The following SEMA5A variants were observed in gnomAD, a reference collection of about 807,000 sequenced individuals.
SEMA5A encodes semaphorin-5A.
A neutral mutation model predicts 135.5 loss-of-function variants in SEMA5A; 55 were observed. The ratio of observed to expected loss-of-function variants is 0.41; its 90% CI spans 0.33 to 0.51. The LOEUF (loss-of-function observed/expected upper bound fraction) is 0.51. SEMA5A is among the 20% of genes least tolerant of loss of function. The pLI is 0.37. For synonymous variants in SEMA5A, 580 were observed against 546.5 expected (o/e 1.06, Z -0.85); for missense variants, 1,290 against 1,419.9 (o/e 0.91, Z 1.47).
intron 1 of SEMA5A, among the ~76,000 whole-genome samples, chr5:9,521,952 T>G (rs1561319133): frequency 6.6e-6 from 1 of 152,072 alleles, no homozygotes; most frequent in Non-Finnish European, 1.5e-5. Flanking sequence ...CCTCCCTCTC[T>G]TTAGGGGTCC....
At chr5:9,453,092 A>T (rs1194934890) in intron 1 of SEMA5A, among the ~76,000 whole-genome samples, 2 of 152,220 alleles carry the variant, frequency 1.3e-5, no homozygotes, top group Admixed American at 6.5e-5. Flanking sequence ...AAAGTGCAAA[A>T]GGAGTCAGAT....
intron 1 of SEMA5A, among the ~76,000 whole-genome samples, chr5:9,457,098 G>A (rs1234137119): frequency 6.6e-6 from 1 of 152,142 alleles, no homozygotes; most frequent in Non-Finnish European, 1.5e-5. Context: ...GAGCTTTTAG[G>A]AAAATAGCTA....
chr5:9,502,641 T>C (rs1252608441), intron 1 of SEMA5A, among the ~76,000 whole-genome samples: 1 of 152,096 alleles, frequency 6.6e-6, no homozygotes, highest in East Asian at 1.9e-4. Flanking sequence ...AGCTTGTCAC[T>C]TGGTACTTGG....
chr5:9,480,409 A>G lies in SEMA5A; in HGVS notation c.-174-42557T>C, dbSNP rs556279018. Among the ~76,000 whole-genome samples, 256 of 152,238 alleles carry G rather than the reference A, an allele frequency of 1.7e-3. 2 individuals are homozygous for G. The highest frequency in any genetic ancestry group is 3.4e-3 in the Middle Eastern group (1 of 294). On this transcript the variant is annotated intron_variant, in intron 1 of 22. Transcript: ENST00000382496. ...GGAGAATATTAACCGCCTAAGGCAA[A>G]TCAGTCCTTAACTGCTGCTATTCTG...
intron 8 of SEMA5A, among the ~76,000 whole-genome samples, chr5:9,216,912 T>C (rs575881025): frequency 3.3e-5 from 5 of 152,332 alleles, no homozygotes; most frequent in African/African-American, 1.2e-4. Flanking sequence ...TAGCACACTA[T>C]TGAGTCTTGC....
At chr5:9,334,935 C>T (rs1156607259) in intron 4 of SEMA5A, among the ~76,000 whole-genome samples, 3 of 152,164 alleles carry the variant, frequency 2.0e-5, no homozygotes, top group East Asian at 1.9e-4. Context: ...GCGGCCCATC[C>T]GATCCTTCCC....
chr5:9,244,717 G>A (rs1008650620), intron 5 of SEMA5A, among the ~76,000 whole-genome samples: 1 of 152,164 alleles, frequency 6.6e-6, no homozygotes, highest in Non-Finnish European at 1.5e-5. Context: ...AGAATGCCCT[G>A]CACCCATGCC....
intron 12 of SEMA5A, among the ~76,000 whole-genome samples, chr5:9,139,059 C>T (rs1472545644): frequency 6.6e-6 from 1 of 152,170 alleles, no homozygotes; most frequent in Non-Finnish European, 1.5e-5. Flanking sequence ...TATAAACATG[C>T]ATGTGCAAGT....
At chr5:9,458,111 T>C (rs1285287058) in intron 1 of SEMA5A, among the ~76,000 whole-genome samples, 1 of 151,764 alleles carries the variant, frequency 6.6e-6, no homozygotes, top group Non-Finnish European at 1.5e-5. Flanking sequence ...ATCTCACCGT[T>C]TTAGCCAGGA....
chr5:9,380,602 T>A (rs1467911304), intron 2 of SEMA5A, among the ~76,000 whole-genome samples: 1 of 152,226 alleles, frequency 6.6e-6, no homozygotes, highest in Non-Finnish European at 1.5e-5. Flanking sequence ...ATAATCTGCC[T>A]GCAAAATATC....
At chr5:9,353,113 A>G (rs1163631323) in intron 3 of SEMA5A, among the ~76,000 whole-genome samples, 101 of 47,502 alleles carry the variant, frequency 2.1e-3, no homozygotes, top group African/African-American at 7.6e-3. Flanking sequence ...AAAGGAAAGG[A>G]AAGGAAAGGA....
chr5:9,276,034 G>T (rs1333437443), intron 5 of SEMA5A, among the ~76,000 whole-genome samples: 1 of 152,182 alleles, frequency 6.6e-6, no homozygotes, highest in Non-Finnish European at 1.5e-5. Context: ...TCTGTTTGCA[G>T]ATGATATGAT....
In SEMA5A at chr5:9,204,655, T is replaced by C. The variant is rs1745910759; in HGVS notation, c.647-2415A>G. Among the ~76,000 whole-genome samples, 1 of 152,166 alleles carries C rather than the reference T, an allele frequency of 6.6e-6. No individual in the cohort carries two copies. The highest frequency in any genetic ancestry group is 1.5e-5 in the Non-Finnish European group (1 of 68,026). On this transcript the variant is annotated intron_variant, in intron 8 of 22. Transcript: ENST00000382496. This position sits in a 1 kb window ranked among gnomAD's most constrained non-coding sequence, Gnocchi z 6.4. ...ACTAAAGCCCAGAGATTTAATAACT[T>C]GTCCAAATTCACATAACTAGCAGTG...
intron 5 of SEMA5A, among the ~76,000 whole-genome samples, chr5:9,246,594 T>C (rs1748494928): frequency 6.6e-6 from 1 of 152,204 alleles, no homozygotes; most frequent in Non-Finnish European, 1.5e-5. Context: ...TTATTCTGCA[T>C]ATGTAGAGAT....
chr5:9,439,305 AAT>A (rs1276033718), intron 1 of SEMA5A, among the ~76,000 whole-genome samples: 3 of 152,196 alleles, frequency 2.0e-5, no homozygotes, highest in Non-Finnish European at 4.4e-5. Context: ...GTGGCAACAA[AAT>A]ATGTTAGTTG....
intron 16 of SEMA5A, among the ~76,000 whole-genome samples, chr5:9,103,599 C>T (rs967129002): frequency 5.9e-5 from 9 of 152,116 alleles, no homozygotes; most frequent in East Asian, 3.9e-4. Flanking sequence ...AATTGTTTCA[C>T]GCTTTACATG....
At chr5:9,154,062 A>AAAAATATATAT (rs1159261162) in intron 12 of SEMA5A, among the ~76,000 whole-genome samples, 1 of 68,292 alleles carries the variant, frequency 1.5e-5, no homozygotes, top group African/African-American at 4.7e-5. Flanking sequence ...AAAAAAAAAA[A>AAAAATATATAT]ATATATATAT....
intron 19 of SEMA5A, among the ~76,000 whole-genome samples, chr5:9,052,524 AG>A (rs1390507720): frequency 2.6e-5 from 4 of 152,212 alleles, no homozygotes; most frequent in African/African-American, 9.6e-5. Flanking sequence ...GGTTGCTGAA[AG>A]GGAGTCTGAA....
intron 22 of SEMA5A, among the ~76,000 whole-genome samples, chr5:9,043,470 G>A (rs1191796189): frequency 6.6e-6 from 1 of 152,172 alleles, no homozygotes; most frequent in Non-Finnish European, 1.5e-5. Flanking sequence ...ATTTAAGTAA[G>A]GGCCTCAGGT....
Sources: allele counts gnomAD v4.1 joint callset (sites outside exome capture counted in the v4.1 genomes callset), GRCh38; gene constraint gnomAD v4.1.1; non-coding constraint Gnocchi (gnomAD v3.1); transcripts MANE v1.5; gene names NCBI Gene and HGNC (gene_info 2026-07-23, HGNC 2026-07-21).